The following CRYGD variants were observed in gnomAD, a reference collection of about 807,000 sequenced individuals.
The protein encoded by CRYGD is crystallin gamma D.
CRYGD carries 13 observed loss-of-function variants against 11.3 expected under a neutral mutation model. That is an observed-to-expected ratio of 1.15 (90% CI 0.75 to 1.83). The LOEUF (loss-of-function observed/expected upper bound fraction) is 1.83. Ranked by LOEUF, CRYGD falls within the 40% of genes most tolerant of loss-of-function variation. The pLI is 0.00. For missense variants in CRYGD, 231 were observed against 229.9 expected (o/e 1.00, Z -0.03); for synonymous variants, 77 against 89.5 (o/e 0.86, Z 0.79).
In CRYGD at chr2:208,121,636, A is replaced by T; in HGVS notation, c.*37T>A. 6.2e-7 allele frequency: 1 copy of T among 1,604,084 alleles called. No individual in the cohort carries two copies. Among genetic ancestry groups the T allele is most frequent in the Non-Finnish European group, 8.5e-7 (1 of 1,174,230 alleles). On this transcript the variant is annotated 3_prime_UTR_variant, in exon 3 of 3. Coordinates refer to ENST00000264376, the MANE Select transcript of CRYGD (RefSeq NM_006891.4). ...AGGAACACACAGAAAATATTTTATT[A>T]GTTTCCAAATTAAGAAACAACAAAA... is the stretch of plus-strand genomic sequence containing the variant.
Position 208,121,873 on chromosome 2 carries a change from A to C in CRYGD, c.325T>G (p.Cys109Gly), listed in dbSNP as rs773365689. ...CGGAAGCGGTCCTGAAGACAGGAGC[A>C]GTCCTCAGTGAACTCTATCATCTGG... is the stretch of plus-strand genomic sequence containing the variant. Reference protein sequence around the residue: ...RGQMIEFTEDCSCLQDRFRFN... With the variant: ...RGQMIEFTEDGSCLQDRFRFN... Residue 109 changes from cysteine to glycine, a missense_variant, in exon 3 of 3, where the codon TGC becomes GGC. Coordinates refer to ENST00000264376, the MANE Select transcript of CRYGD (RefSeq NM_006891.4). 2.5e-6 allele frequency: 4 copies of C among 1,614,212 alleles called. No individual in the cohort carries two copies. Among genetic ancestry groups the C allele is most frequent in the Non-Finnish European group, 3.4e-6 (4 of 1,180,016 alleles).
intron 2 of CRYGD, 110 bp from the exon 3 acceptor site, chr2:208,122,055 T>C (rs966734869): frequency 6.8e-7 from 1 of 1,468,812 alleles, no homozygotes; most frequent in Non-Finnish European, 9.4e-7. Flanking sequence ...TTGAAATACA[T>C]GGTAAAATTT....
chr2:208,123,329 A>C (rs1213852480), intron 2 of CRYGD, among the ~76,000 whole-genome samples: 1 of 147,024 alleles, frequency 6.8e-6, no homozygotes, highest in African/African-American at 2.5e-5. Flanking sequence ...AAAATATATT[A>C]AATATATCAT....
chr2:208,123,997 C>G lies in CRYGD; in HGVS notation c.252+115G>C. On this transcript the variant is annotated intron_variant, in intron 2 of 2. Coordinates refer to ENST00000264376, the MANE Select transcript of CRYGD (RefSeq NM_006891.4). Reference sequence around the variant, plus strand: ...ATTGACTTAATCCACTATAGTTCATCTTTTGTCCACTCTCAGTTATTGTGA... The same window carrying G: ...ATTGACTTAATCCACTATAGTTCATGTTTTGTCCACTCTCAGTTATTGTGA... 2.7e-6 allele frequency: 4 copies of G among 1,481,502 alleles called. No homozygotes were observed. In the South Asian group the frequency reaches 4.7e-5, roughly 18 times the overall value. 91.8% of individuals were successfully genotyped at this position (1,481,502 alleles called of 1,614,324 possible). A position where few individuals can be genotyped will look rare whatever the true frequency, so the allele number is the denominator to read the frequency against.
rs751213595 is a variant in CRYGD at position 208,121,841 on chromosome 2, A to G, written c.357T>C (p.Asn119=). The G allele has an allele frequency of 2.5e-6, 4 of 1,614,072 alleles. No homozygotes were observed. The highest frequency in any genetic ancestry group is 3.4e-6 in the Non-Finnish European group (4 of 1,180,032). ...CCAGCACGTTGAGGGAGTGGATTTCATTGAAGCGGAAGCGGTCCTGAAGAC... is the reference window on the plus strand; with the variant it reads ...CCAGCACGTTGAGGGAGTGGATTTCGTTGAAGCGGAAGCGGTCCTGAAGAC... The part of the protein sequence containing the change: ...CSCLQDRFRF[N]EIHSLNVLEG... Residue 119 remains asparagine (N), a synonymous_variant, in exon 3 of 3, where the codon AAT becomes AAC. Transcript: ENST00000264376.
intron 2 of CRYGD, 118 bp from the exon 3 acceptor site, chr2:208,122,063 T>C (rs1475898453): frequency 7.1e-7 from 1 of 1,400,384 alleles, no homozygotes; most frequent in Non-Finnish European, 9.9e-7. Flanking sequence ...CATGGTAAAA[T>C]TTAATTAATT....
Position 208,121,848 on chromosome 2 carries a change from C to T in CRYGD, c.350G>A (p.Arg117His), listed in dbSNP as rs781349703. ...EDCSCLQDRF[R>H]FNEIHSLNVL... Reference sequence around the variant, plus strand: ...GTTGAGGGAGTGGATTTCATTGAAGCGGAAGCGGTCCTGAAGACAGGAGCA... The same window carrying T: ...GTTGAGGGAGTGGATTTCATTGAAGTGGAAGCGGTCCTGAAGACAGGAGCA... Residue 117 changes from arginine (R) to histidine (H), a missense_variant, in exon 3 of 3, where the codon CGC becomes CAC. Physicochemically the swap from Arg to His is conservative, Grantham distance 29. Coordinates refer to ENST00000264376, the MANE Select transcript of CRYGD (RefSeq NM_006891.4). The T allele has an allele frequency of 1.5e-5, 24 of 1,614,154 alleles. No homozygotes were observed. Among genetic ancestry groups the T allele is most frequent in the African/African-American group, 4.0e-5 (3 of 75,030 alleles).
rs751340927 is a variant in CRYGD at position 208,124,453 on chromosome 2, G to T, written c.9+12C>A. On this transcript the variant is annotated intron_variant, in intron 1 of 2. Transcript: ENST00000264376. The stretch of plus-strand genomic sequence containing the variant: ...GGAAGCTCCGGGGTCCCGGGGCGCA[G>T]GCTGGGCTCACCTTCCCCATGGCTG... 45 of 1,579,234 alleles carry T rather than the reference G, an allele frequency of 2.8e-5. No homozygotes were observed. The highest frequency in any genetic ancestry group is 5.6e-5 in the Admixed American group (3 of 53,442).
chr2:208,122,862 T>A (rs898319365), intron 2 of CRYGD, among the ~76,000 whole-genome samples: 5 of 148,838 alleles, frequency 3.4e-5, no homozygotes, highest in African/African-American at 9.8e-5. Context: ...AAAAAAATAA[T>A]AATAATAAAT....
At chr2:208,122,967 G>A (rs1467450896) in intron 2 of CRYGD, among the ~76,000 whole-genome samples, 1 of 150,458 alleles carries the variant, frequency 6.6e-6, no homozygotes, top group Non-Finnish European at 1.5e-5. Flanking sequence ...ACTGAGAGAC[G>A]AGAATCATTT....
Position 208,124,127 on chromosome 2 carries a change from G to T in CRYGD, c.237C>A (p.Cys79Ter). The T allele has an allele frequency of 1.2e-6, 2 of 1,611,714 alleles. No homozygotes were observed. Among genetic ancestry groups the T allele is most frequent in the South Asian group, 1.1e-5 (1 of 90,992 alleles). Reference sequence around the variant, plus strand: ...ATGTACTCACGTGGGGGATGAGGCGGCAGGAGCGGACCGAGTCGCTGAGGC... The same window carrying T: ...ATGTACTCACGTGGGGGATGAGGCGTCAGGAGCGGACCGAGTCGCTGAGGC... ...WMGLSDSVRSCRLIPHSGSHR... is the reference protein window; with the variant it reads ...WMGLSDSVRS The change falls in exon 2 of 3, where the codon TGC (cysteine) becomes TGA (stop). Residue 79 changes from cysteine (C) to a stop codon, truncating the protein, a stop_gained. Transcript: ENST00000264376. LOFTEE classifies it low-confidence loss of function (END_TRUNC).
chr2:208,124,419 C>G, intron 1 of CRYGD, 46 bp downstream of exon 1: 2 of 1,597,276 alleles, frequency 1.3e-6, no homozygotes, highest in Non-Finnish European at 1.7e-6. Context: ...CTCTGGCCCC[C>G]GCGATGGAGG....
chr2:208,122,258 ATTAC>A, intron 2 of CRYGD, among the ~76,000 whole-genome samples: 1 of 151,752 alleles, frequency 6.6e-6, no homozygotes, highest in Non-Finnish European at 1.5e-5. Flanking sequence ...GTAACAGCTT[ATTAC>A]TATTTTATAC....
Position 208,121,788 on chromosome 2 carries a change from G to A in CRYGD, c.410C>T (p.Ser137Phe). 3.1e-6 allele frequency: 5 copies of A among 1,614,158 alleles called. No individual in the cohort carries two copies. Among genetic ancestry groups the A allele is most frequent in the Non-Finnish European group, 4.2e-6 (5 of 1,180,034 alleles). ...CAGGTACTGCCGTCCTCGGTAGTTGGACAGCTCGTAGAGGACCCAGGAGCC... is the reference window on the plus strand; with the variant it reads ...CAGGTACTGCCGTCCTCGGTAGTTGAACAGCTCGTAGAGGACCCAGGAGCC... The part of the protein sequence containing the change: ...LEGSWVLYEL[S>F]NYRGRQYLLM... The change falls in exon 3 of 3, where the codon TCC (serine) becomes TTC (phenylalanine). Residue 137 changes from serine to phenylalanine, a missense_variant. Coordinates refer to ENST00000264376, the MANE Select transcript of CRYGD (RefSeq NM_006891.4).
chr2:208,124,195 A>G lies in CRYGD; in HGVS notation c.169T>C (p.Phe57Leu). ...EQPNYSGLQY[F>L]LRRGDYADHQ... Reference sequence around the variant, plus strand: ...TCGGCATAGTCGCCGCGGCGCAGGAAGTACTGGAGGCCCGAGTAGTTGGGC... The same window carrying G: ...TCGGCATAGTCGCCGCGGCGCAGGAGGTACTGGAGGCCCGAGTAGTTGGGC... Residue 57 changes from phenylalanine (F) to leucine (L), a missense_variant, in exon 2 of 3, where the codon TTC becomes CTC. Coordinates refer to ENST00000264376, the MANE Select transcript of CRYGD (RefSeq NM_006891.4). 6.2e-7 allele frequency: 1 copy of G among 1,612,000 alleles called. No individual in the cohort carries two copies. The highest frequency in any genetic ancestry group is 2.0e-4 in the Middle Eastern group (1 of 4,888).
At chr2:208,122,605 G>A (rs1694885761) in intron 2 of CRYGD, among the ~76,000 whole-genome samples, 1 of 150,294 alleles carries the variant, frequency 6.7e-6, no homozygotes, top group East Asian at 1.9e-4. Context: ...GCTCATGCCT[G>A]TAGTCCCAGC....
chr2:208,123,890 T>A (rs1311443215), intron 2 of CRYGD, among the ~76,000 whole-genome samples: 1 of 152,206 alleles, frequency 6.6e-6, no homozygotes, highest in Admixed American at 6.5e-5. Context: ...AGGAGACACA[T>A]TCCTACTCAA....
Position 208,124,144 on chromosome 2 carries a change from C to T in CRYGD, c.220G>A (p.Asp74Asn). ...ADHQQWMGLS[D>N]SVRSCRLIPH... ...ATGAGGCGGCAGGAGCGGACCGAGTCGCTGAGGCCCATCCACTGCTGGTGG... is the reference window on the plus strand; with the variant it reads ...ATGAGGCGGCAGGAGCGGACCGAGTTGCTGAGGCCCATCCACTGCTGGTGG... Residue 74 changes from aspartate (D) to asparagine (N), a missense_variant, in exon 2 of 3, where the codon GAC becomes AAC. By Grantham distance (23) the Asp-to-Asn change is conservative (BLOSUM62 1). Coordinates refer to ENST00000264376, the MANE Select transcript of CRYGD (RefSeq NM_006891.4). 1 of 1,611,586 alleles carries T rather than the reference C, an allele frequency of 6.2e-7. No homozygotes were observed. The highest frequency in any genetic ancestry group is 2.2e-4 in the Middle Eastern group (1 of 4,528).
chr2:208,121,640 T>G lies in CRYGD; in HGVS notation c.*33A>C, dbSNP rs377239415. On this transcript the variant is annotated 3_prime_UTR_variant, in exon 3 of 3. Coordinates refer to ENST00000264376, the MANE Select transcript of CRYGD (RefSeq NM_006891.4). ...ACACACAGAAAATATTTTATTAGTT[T>G]CCAAATTAAGAAACAACAAAAGAGG... The G allele has an allele frequency of 9.1e-5, 146 of 1,605,020 alleles. No homozygotes were observed. The highest frequency in any genetic ancestry group is 1.2e-4 in the Non-Finnish European group (139 of 1,175,024).
Sources: gnomAD v4.1 joint callset for allele counts (sites outside exome capture counted in the v4.1 genomes callset) on GRCh38, gnomAD v4.1.1 for gene constraint, MANE v1.5 for transcripts, NCBI Gene and HGNC (gene_info 2026-07-23, HGNC 2026-07-21) for gene names.